The following FRMD4A variants were observed in gnomAD, a reference collection of about 807,000 sequenced individuals.
FRMD4A encodes the protein FERM domain-containing protein 4A.
In FRMD4A, 29 loss-of-function variants were observed where a neutral mutation model predicts 129.1. The observed-to-expected ratio is 0.22, with a 90% CI of 0.17 to 0.31. The LOEUF is 0.31. FRMD4A is among the 10% of genes least tolerant of loss of function. The probability of loss-of-function intolerance (pLI) is 1.00; values close to 1 mark genes in which losing one functional copy is unlikely to be tolerated. For missense variants in FRMD4A, 1,272 were observed against 1,375.8 expected (o/e 0.92, Z 1.19); for synonymous variants, 634 against 571.6 (o/e 1.11, Z -1.56).
At chr10:14,289,711 T>G (rs1845792111) in intron 2 of FRMD4A, among the ~76,000 whole-genome samples, 1 of 152,084 alleles carries the variant, frequency 6.6e-6, no homozygotes, top group South Asian at 2.1e-4. Context: ...CAAGGATGCC[T>G]ACTTTCACCA....
At chr10:14,308,545 A>T (rs1010348597) in intron 2 of FRMD4A, among the ~76,000 whole-genome samples, 1 of 152,160 alleles carries the variant, frequency 6.6e-6, no homozygotes, top group Non-Finnish European at 1.5e-5. Flanking sequence ...TGATTTAGTG[A>T]ACTCTTTTTT....
rs1462348235 is a variant in FRMD4A at position 13,753,518 on chromosome 10, A to G, written c.465-5699T>C. Among the ~76,000 whole-genome samples, 4 of 149,830 alleles carry G rather than the reference A, an allele frequency of 2.7e-5. No individual in the cohort carries two copies. In the East Asian group the frequency reaches 7.8e-4, roughly 29 times the overall value. On this transcript the variant is annotated intron_variant, in intron 8 of 24. Coordinates refer to ENST00000357447, the MANE Select transcript of FRMD4A (RefSeq NM_018027.5). ...TTGTTGGGGGCAACATTGCAAACAC[A>G]TTGATGAAATATGTACCTTTCTATT...
intron 2 of FRMD4A, among the ~76,000 whole-genome samples, chr10:14,240,913 CA>C (rs59389000): frequency 0.074 from 10,951 of 148,708 alleles, 853 homozygotes; most frequent in African/African-American, 0.2. Context: ...TAATGCACTT[CA>C]AAAAAAAAAA....
At chr10:14,273,287 G>T (rs1445628416) in intron 2 of FRMD4A, among the ~76,000 whole-genome samples, 3 of 151,992 alleles carry the variant, frequency 2.0e-5, no homozygotes, top group Non-Finnish European at 4.4e-5. Flanking sequence ...TTTTTAGGGG[G>T]CAATGAAATA....
intron 2 of FRMD4A, among the ~76,000 whole-genome samples, chr10:14,098,455 G>A (rs905253075): frequency 6.6e-6 from 1 of 151,378 alleles, no homozygotes; most frequent in Non-Finnish European, 1.5e-5. Context: ...CCAGGCTGGA[G>A]TGCACTGGCA....
At chr10:14,263,999 G>A (rs890288837) in intron 2 of FRMD4A, among the ~76,000 whole-genome samples, 7 of 152,292 alleles carry the variant, frequency 4.6e-5, no homozygotes, top group Non-Finnish European at 7.4e-5. Flanking sequence ...ACCACAAAGA[G>A]CTGCTGCATT....
At chr10:13,689,198 CGGG>C (rs61670615) in intron 15 of FRMD4A, among the ~76,000 whole-genome samples, 4 of 68,058 alleles carry the variant, frequency 5.9e-5, no homozygotes, top group East Asian at 6.7e-4. Flanking sequence ...AAACTCTTTG[CGGG>C]GGGGGGGGGG....
intron 2 of FRMD4A, among the ~76,000 whole-genome samples, chr10:14,034,624 G>C (rs797007484): frequency 1.3e-5 from 2 of 152,110 alleles, no homozygotes; most frequent in South Asian, 4.1e-4. Flanking sequence ...TGGGTGGGTG[G>C]GTCTCTACCT....
chr10:13,781,368 C>CTTTTTT (rs1161094661), intron 6 of FRMD4A, among the ~76,000 whole-genome samples: 17 of 70,710 alleles, frequency 2.4e-4, no homozygotes, highest in East Asian at 4.5e-4. Flanking sequence ...ATGGATGAAC[C>CTTTTTT]TTTTTTTTTT....
chr10:13,695,273 G>A (rs1380955297), intron 14 of FRMD4A, among the ~76,000 whole-genome samples: 1 of 151,832 alleles, frequency 6.6e-6, no homozygotes, highest in African/African-American at 2.4e-5. Context: ...CCTGAGTAGT[G>A]GGGATTACAG....
chr10:14,283,326 G>A (rs72778684), intron 2 of FRMD4A, among the ~76,000 whole-genome samples: 2 of 152,298 alleles, frequency 1.3e-5, no homozygotes, highest in Non-Finnish European at 1.5e-5. Context: ...TTAAGTAGCA[G>A]CGTTCAACTT....
At chr10:14,102,267 C>A (rs1837346015) in intron 2 of FRMD4A, among the ~76,000 whole-genome samples, 1 of 152,200 alleles carries the variant, frequency 6.6e-6, no homozygotes, top group Non-Finnish European at 1.5e-5. Flanking sequence ...TGACTCACGC[C>A]TGTAATCCCA....
At chr10:13,671,522 A>C (rs2083509841) in intron 16 of FRMD4A, among the ~76,000 whole-genome samples, 1 of 152,244 alleles carries the variant, frequency 6.6e-6, no homozygotes, top group Admixed American at 6.5e-5. Flanking sequence ...TACTAAAAAA[A>C]CACTTGTTTT....
intron 14 of FRMD4A, among the ~76,000 whole-genome samples, chr10:13,699,635 G>C (rs544279205): frequency 1.3e-5 from 2 of 152,218 alleles, no homozygotes; most frequent in South Asian, 2.1e-4. Context: ...TACAGTGCGT[G>C]GGGGGTCTGC....
intron 2 of FRMD4A, among the ~76,000 whole-genome samples, chr10:14,045,593 TA>T (rs1051470908): frequency 6.7e-6 from 1 of 148,774 alleles, no homozygotes; most frequent in African/African-American, 2.5e-5. Flanking sequence ...TTATATACAA[TA>T]AAATATATTA....
At chr10:13,740,650 T>C in intron 9 of FRMD4A, 73 bp from the exon 10 acceptor site, 1 of 783,262 alleles carries the variant, frequency 1.3e-6, no homozygotes, top group Non-Finnish European at 2.2e-6. Flanking sequence ...CAGTAAGATA[T>C]TTCTCAGCCC....
chr10:13,806,838 C>T (rs1221954490), intron 4 of FRMD4A, among the ~76,000 whole-genome samples: 4 of 152,234 alleles, frequency 2.6e-5, no homozygotes, highest in South Asian at 4.2e-4. Context: ...GATGGAGTCT[C>T]GCTCTGTTGC....
At chr10:14,090,062 T>G (rs1836570186) in intron 2 of FRMD4A, among the ~76,000 whole-genome samples, 1 of 152,168 alleles carries the variant, frequency 6.6e-6, no homozygotes, top group South Asian at 2.1e-4. Flanking sequence ...ATAGTAAAAC[T>G]CTGCCGCAGG....
intron 2 of FRMD4A, among the ~76,000 whole-genome samples, chr10:13,913,888 G>A (rs191388325): frequency 7.9e-5 from 12 of 152,342 alleles, no homozygotes; most frequent in East Asian, 3.9e-4. Flanking sequence ...ACTATCAGGC[G>A]GATATGAGCT....
Sources: allele counts gnomAD v4.1 joint callset (sites outside exome capture counted in the v4.1 genomes callset), GRCh38; gene constraint gnomAD v4.1.1; transcripts MANE v1.5; gene names NCBI Gene and HGNC (gene_info 2026-07-23, HGNC 2026-07-21).